Variants in ANKFN1 observed in about 807,000 individuals in gnomAD.
ANKFN1 encodes ankyrin repeat and fibronectin type III domain containing 1.
In ANKFN1, 74 loss-of-function variants were observed where a neutral mutation model predicts 108.7. That is an observed-to-expected ratio of 0.68 (90% CI 0.56 to 0.83). ANKFN1 has a LOEUF of 0.83. Among genes scored for constraint, ANKFN1 ranks in the 40% least tolerant of loss-of-function variants. The pLI is 0.00. For synonymous variants in ANKFN1, 547 were observed against 516.2 expected (o/e 1.06, Z -0.81); for missense variants, 1,505 against 1,382.3 (o/e 1.09, Z -1.41).
chr17:56,358,679 G>A (rs950635566), intron 6 of ANKFN1, among the ~76,000 whole-genome samples: 1 of 152,130 alleles, frequency 6.6e-6, no homozygotes, highest in Non-Finnish European at 1.5e-5. Flanking sequence ...GCAGACTGAT[G>A]TGCTGAGCTT....
At chr17:56,126,933 G>A (rs1276745854) in intron 4 of ANKFN1, among the ~76,000 whole-genome samples, 4 of 152,084 alleles carry the variant, frequency 2.6e-5, no homozygotes, top group Non-Finnish European at 5.9e-5. Flanking sequence ...AAATTAAATG[G>A]GATAAATGCA....
chr17:56,126,710 A>T (rs367699079), intron 4 of ANKFN1, among the ~76,000 whole-genome samples: 1 of 152,352 alleles, frequency 6.6e-6, no homozygotes, highest in East Asian at 1.9e-4. Context: ...CTCCAGGACC[A>T]AAAGGGGGCA....
At chr17:56,104,230 A>G (rs1295417146) in intron 4 of ANKFN1, among the ~76,000 whole-genome samples, 2 of 152,230 alleles carry the variant, frequency 1.3e-5, no homozygotes, top group African/African-American at 4.8e-5. Context: ...CCTGGGAAAC[A>G]TTTCTCAAAA....
At chr17:56,069,336 G>A (rs186859664) in intron 4 of ANKFN1, among the ~76,000 whole-genome samples, 10 of 152,230 alleles carry the variant, frequency 6.6e-5, no homozygotes, top group South Asian at 2.1e-4. Flanking sequence ...GGGGTACAGC[G>A]CGAAATGCCA....
intron 1 of ANKFN1, among the ~76,000 whole-genome samples, chr17:56,183,231 A>G (rs1163591982): frequency 1.3e-5 from 2 of 152,206 alleles, no homozygotes; most frequent in Non-Finnish European, 2.9e-5. Flanking sequence ...TATAGTTACC[A>G]TCAATAGCGA....
chr17:56,416,974 A>G (rs954598071), intron 8 of ANKFN1, among the ~76,000 whole-genome samples: 1 of 152,140 alleles, frequency 6.6e-6, no homozygotes, highest in African/African-American at 2.4e-5. Context: ...CAAACTTCAC[A>G]TGTTCTGACT....
At chr17:56,057,647 C>T (rs1045537478) in intron 4 of ANKFN1, among the ~76,000 whole-genome samples, 1 of 152,024 alleles carries the variant, frequency 6.6e-6, no homozygotes, top group African/African-American at 2.4e-5. Context: ...TTAGCCGGGT[C>T]TCATGCCACA....
At chr17:56,156,076 C>CTT (rs529958919) in intron 1 of ANKFN1, among the ~76,000 whole-genome samples, 27 of 136,488 alleles carry the variant, frequency 2.0e-4, no homozygotes, top group Admixed American at 5.9e-4. Context: ...CTCTCTCACT[C>CTT]TTTTTTTTTT....
chr17:56,457,771 T>C, intron 13 of ANKFN1, 92 bp from the exon 14 acceptor site: 1 of 894,580 alleles, frequency 1.1e-6, no homozygotes, highest in East Asian at 2.5e-5. Flanking sequence ...ACATCAGGGG[T>C]CAGATTTCTT....
chr17:56,088,325 T>G (rs952179759), intron 4 of ANKFN1, among the ~76,000 whole-genome samples: 1 of 151,038 alleles, frequency 6.6e-6, no homozygotes, highest in Admixed American at 6.6e-5. Context: ...GGTGGAAAAA[T>G]TTAAAACTCC....
At chr17:56,098,378 T>C (rs1012875582) in intron 4 of ANKFN1, among the ~76,000 whole-genome samples, 7 of 151,996 alleles carry the variant, frequency 4.6e-5, no homozygotes, top group African/African-American at 1.7e-4. Flanking sequence ...CTTTTGACAC[T>C]TTCATACAAA....
At chr17:56,203,380 G>A (rs548293319) in intron 1 of ANKFN1, among the ~76,000 whole-genome samples, 4 of 152,192 alleles carry the variant, frequency 2.6e-5, no homozygotes, top group Non-Finnish European at 4.4e-5. Context: ...CACATCCATC[G>A]TCAGGTGATG....
intron 4 of ANKFN1, among the ~76,000 whole-genome samples, chr17:56,127,174 A>T (rs573235357): frequency 2.3e-4 from 35 of 152,298 alleles, no homozygotes; most frequent in Non-Finnish European, 4.0e-4. Flanking sequence ...CACTTTGCAT[A>T]AATTATCTTG....
chr17:56,256,442 G>A (rs1041539276), intron 3 of ANKFN1, among the ~76,000 whole-genome samples: 3 of 152,048 alleles, frequency 2.0e-5, no homozygotes, highest in Admixed American at 2.0e-4. Flanking sequence ...GCTTTTTCAT[G>A]GTGGAGAATT....
rs183309931 is a variant in ANKFN1, at chr17:56,096,926, G to A, written c.288+50601G>A. Reference sequence around the variant, plus strand: ...GTACATATACACCATGGAATACTACGCAGTCACTAACAAGAATGATATCAT... The same window carrying A: ...GTACATATACACCATGGAATACTACACAGTCACTAACAAGAATGATATCAT... On this transcript the variant is annotated intron_variant, in intron 4 of 12. Transcript: ENST00000635860. 9.2e-5 allele frequency among the ~76,000 whole-genome samples: 14 copies of A among 152,288 alleles called. No individual in the cohort carries two copies. In the South Asian group the frequency reaches 1.5e-3, roughly 16 times the overall value.
rs1567723976 is a variant in ANKFN1, at chr17:56,515,865, CTTTG to C, written c.*4600_*4603del. ...AACAGTTATTCAAAAGGATGGTTGG[CTTTG>C]TTTAACAATTGGATAGGTGGGCTGT... On this transcript the variant is annotated 3_prime_UTR_variant, in exon 21 of 21. Transcript: ENST00000682825. Among the ~76,000 whole-genome samples the C allele has an allele frequency of 1.3e-5, 2 of 152,084 alleles. No individual in the cohort carries two copies. Among genetic ancestry groups the C allele is most frequent in the Non-Finnish European group, 2.9e-5 (2 of 67,984 alleles).
At chr17:56,259,065 T>C (rs2043435317) in intron 3 of ANKFN1, among the ~76,000 whole-genome samples, 1 of 152,166 alleles carries the variant, frequency 6.6e-6, no homozygotes, top group African/African-American at 2.4e-5. Context: ...ACGTGGAGTA[T>C]CTTATGTAAT....
At position 56,075,880 on chromosome 17, in the gene ANKFN1, G is replaced by A. The variant is rs191466122; in HGVS notation, c.288+29555G>A. 1.5e-4 allele frequency among the ~76,000 whole-genome samples: 23 copies of A among 152,276 alleles called. No individual in the cohort carries two copies. In the Middle Eastern group the frequency reaches 0.014, roughly 90 times the overall value. ...AAGCACTGACGGCAGACATAGGCGA[G>A]TGATAGTTTTTCATCCCCTTGTACA... is the stretch of plus-strand genomic sequence containing the variant. On this transcript the variant is annotated intron_variant, in intron 4 of 12. Coordinates refer to the ANKFN1 transcript ENST00000635860.
At chr17:56,112,522 C>T (rs1906026453) in intron 4 of ANKFN1, among the ~76,000 whole-genome samples, 1 of 151,808 alleles carries the variant, frequency 6.6e-6, no homozygotes, top group Non-Finnish European at 1.5e-5. Context: ...CCCATGTATC[C>T]AAGCCAAATC....
Sources: allele counts gnomAD v4.1 joint callset (sites outside exome capture counted in the v4.1 genomes callset), GRCh38; gene constraint gnomAD v4.1.1; transcripts MANE v1.5; gene names NCBI Gene and HGNC (gene_info 2026-07-23, HGNC 2026-07-21).